The following FBXO11 variants were observed in gnomAD, a reference collection of about 807,000 sequenced individuals.
FBXO11 encodes F-box only protein 11.
Under a neutral mutation model 117.0 loss-of-function variants are expected in FBXO11, and 13 were observed. That is an observed-to-expected ratio of 0.11 (90% CI 0.07 to 0.18). The LOEUF (loss-of-function observed/expected upper bound fraction) is 0.18, where lower values mean the gene tolerates loss of function less well. Ranked by LOEUF, FBXO11 falls within the 10% of genes least tolerant of loss-of-function variation. The pLI, the probability that FBXO11 is intolerant of heterozygous loss-of-function variation, is 1.00. For missense variants in FBXO11, 767 were observed against 1,164.4 expected, an observed-to-expected ratio of 0.66 and a Z score of 4.97; for synonymous variants, 490 against 380.5, an observed-to-expected ratio of 1.29 and a Z score of -3.35.
chr2:47,863,365 A>G lies in FBXO11; in HGVS notation c.233-23596T>C, dbSNP rs546274884. Among the ~76,000 whole-genome samples the G allele has an allele frequency of 5.9e-5, 9 of 152,360 alleles. No individual in the cohort carries two copies. The South Asian group carries it at 1.9e-3, about 32-fold the overall frequency. ...CAGAGAAACAGAATTAAATAAAAAT[A>G]TACTTTAATGTCTACAAGTGCTCTT... On this transcript the variant is annotated intron_variant, in intron 1 of 22. Transcript: ENST00000403359.
chr2:47,827,200 C>T (rs1306948693), intron 11 of FBXO11, among the ~76,000 whole-genome samples: 2 of 152,208 alleles, frequency 1.3e-5, no homozygotes, highest in Non-Finnish European at 2.9e-5. Flanking sequence ...AATGATTTTA[C>T]TACCTTTAGA....
chr2:47,877,020 A>G (rs149522339), intron 1 of FBXO11, among the ~76,000 whole-genome samples: 2 of 151,520 alleles, frequency 1.3e-5, no homozygotes, highest in Non-Finnish European at 2.9e-5. Context: ...TACACATCTA[A>G]TGACATCTTA....
At chr2:47,845,431 T>G (rs1001981725) in intron 1 of FBXO11, among the ~76,000 whole-genome samples, 1 of 152,182 alleles carries the variant, frequency 6.6e-6, no homozygotes, top group Admixed American at 6.5e-5. Flanking sequence ...TTCTACATAG[T>G]TCTCATATTA....
chr2:47,832,701 T>G (rs772738282), intron 9 of FBXO11, 23 bp from the exon 10 acceptor site: 1 of 1,610,704 alleles, frequency 6.2e-7, no homozygotes, highest in African/African-American at 1.3e-5. Flanking sequence ...TATTTATTTA[T>G]GTAAAAACCT....
At chr2:47,843,044 C>A (rs371232061) in intron 1 of FBXO11, among the ~76,000 whole-genome samples, 1 of 152,274 alleles carries the variant, frequency 6.6e-6, no homozygotes, top group East Asian at 1.9e-4. Context: ...GCCATGGCCT[C>A]CCAAAGTGAT....
At chr2:47,903,829 A>T (rs979094920) in intron 1 of FBXO11, among the ~76,000 whole-genome samples, 2 of 152,242 alleles carry the variant, frequency 1.3e-5, no homozygotes, top group Non-Finnish European at 2.9e-5. Context: ...GAAGAAGAAC[A>T]TTATTTGAAC....
chr2:47,809,575 A>G, intron 20 of FBXO11, 25 bp downstream of exon 20: 1 of 1,490,070 alleles, frequency 6.7e-7, no homozygotes. Flanking sequence ...GCATATATTT[A>G]TAGGTATAGC....
intron 1 of FBXO11, among the ~76,000 whole-genome samples, chr2:47,892,674 T>C (rs1314436300): frequency 3.9e-5 from 6 of 152,228 alleles, no homozygotes; most frequent in East Asian, 1.9e-4. Context: ...ATCTCTGCAA[T>C]TGAGGTGCTT....
intron 16 of FBXO11, 198 bp downstream of exon 16, chr2:47,818,581 T>C (rs982220773): frequency 3.1e-5 from 16 of 515,132 alleles, no homozygotes; most frequent in Non-Finnish European, 5.2e-5. Flanking sequence ...TTATGGCACA[T>C]GTGCCAGTGG....
chr2:47,815,018 A>G, intron 16 of FBXO11, among the ~76,000 whole-genome samples: 1 of 152,086 alleles, frequency 6.6e-6, no homozygotes. Context: ...TCACATCTTC[A>G]TGTTCCATTT....
At chr2:47,825,598 G>C (rs2937347) in intron 11 of FBXO11, among the ~76,000 whole-genome samples, 3 of 99,908 alleles carry the variant, frequency 3.0e-5, no homozygotes, top group African/African-American at 1.3e-4. Flanking sequence ...TTTTTTTTTA[G>C]AGACAGGCTC....
intron 4 of FBXO11, 77 bp downstream of exon 4, chr2:47,838,782 C>T (rs756211003): frequency 3.4e-5 from 48 of 1,412,408 alleles, no homozygotes; most frequent in Non-Finnish European, 3.9e-5. Context: ...CTCACCGCAC[C>T]GACTTTCCTA....
In FBXO11 at chr2:47,906,140, C is replaced by T. The variant is rs1572944643; in HGVS notation, c.-420G>A. 1 of 110,344 alleles carries T rather than the reference C, an allele frequency of 9.1e-6. No individual in the cohort carries two copies. Among genetic ancestry groups the T allele is most frequent in the Non-Finnish European group, 1.9e-5 (1 of 53,224 alleles). 6.8% of individuals were successfully genotyped at this position (110,344 alleles called of 1,614,324 possible). On this transcript the variant is annotated 5_prime_UTR_variant, in exon 1 of 23. Transcript: ENST00000403359. ...GACTCGCGAGCGGCGTCTCCGGCAG[C>T]GGGGGGAGTGGGCGGGCGGGTGAGG...
intron 1 of FBXO11, among the ~76,000 whole-genome samples, chr2:47,870,517 G>A (rs1032232643): frequency 3.3e-5 from 5 of 152,102 alleles, no homozygotes; most frequent in Admixed American, 6.5e-5. Context: ...AAACACAGAG[G>A]GAGAATGCTA....
At position 47,905,568 on chromosome 2, in the gene FBXO11, C is replaced by A; in HGVS notation, c.153G>T (p.Gln51His). ...PQQQPPPPPQ[Q>H]QQQQQPPPPP... ...GCGGCGGAGGCTGCTGCTGCTGCTG[C>A]TGCTGCGGCGGCGGCGGAGGCTGCT... is the stretch of plus-strand genomic sequence containing the variant. The change falls in exon 1 of 23, where the codon CAG becomes CAT. Residue 51 changes from glutamine (Q) to histidine (H), a missense_variant. By Grantham distance (24) the Gln-to-His change is conservative (BLOSUM62 0). Around this residue, in one of 10 missense-constraint regions of FBXO11, gnomAD observed 355 missense variants for 299.8 expected, o/e 1.18. Coordinates refer to ENST00000403359, the MANE Select transcript of FBXO11 (RefSeq NM_001190274.2). The A allele has an allele frequency of 8.0e-7, 1 of 1,257,114 alleles. No individual in the cohort carries two copies. 77.9% of individuals were successfully genotyped at this position (1,257,114 alleles called of 1,614,324 possible).
chr2:47,896,185 G>C (rs978881777), intron 1 of FBXO11, among the ~76,000 whole-genome samples: 1 of 152,062 alleles, frequency 6.6e-6, no homozygotes, highest in African/African-American at 2.4e-5. Context: ...AAATTTAAAA[G>C]TCAGAAAAAG....
chr2:47,809,547 T>C, intron 20 of FBXO11, 53 bp downstream of exon 20: 1 of 1,310,214 alleles, frequency 7.6e-7, no homozygotes, highest in South Asian at 1.3e-5. Flanking sequence ...GGCTTCTGAT[T>C]ATCTTTCATG....
At chr2:47,826,005 T>C (rs1572791308) in intron 11 of FBXO11, among the ~76,000 whole-genome samples, 1 of 152,310 alleles carries the variant, frequency 6.6e-6, no homozygotes, top group Admixed American at 6.5e-5. Flanking sequence ...ATAATCTTTT[T>C]GTTTTCTTTA....
intron 16 of FBXO11, chr2:47,814,373 CTTT>C (rs141660721): frequency 7.6e-5 from 10 of 131,464 alleles, no homozygotes; most frequent in South Asian, 2.4e-4. Flanking sequence ...TTCAGGGAGT[CTTT>C]TTTTTTTTTT....
Sources: gnomAD v4.1 joint callset for allele counts (sites outside exome capture counted in the v4.1 genomes callset) on GRCh38, gnomAD v4.1.1 for gene constraint, gnomAD v4.1.1 regional missense constraint, MANE v1.5 for transcripts, NCBI Gene and HGNC (gene_info 2026-07-23, HGNC 2026-07-21) for gene names.